AP5Z1: variants seen among roughly 807,000 people sequenced by gnomAD.
AP5Z1 encodes adaptor related protein complex 5 subunit zeta 1.
Under a neutral mutation model 83.0 loss-of-function variants are expected in AP5Z1, and 106 were observed. The ratio of observed to expected loss-of-function variants is 1.28; its 90% CI spans 1.09 to 1.50. The LOEUF (loss-of-function observed/expected upper bound fraction) is 1.50, where lower values mean the gene tolerates loss of function less well. Ranked by LOEUF, AP5Z1 falls within the 40% of genes most tolerant of loss-of-function variation. AP5Z1 has a pLI of 0.00. For synonymous variants in AP5Z1, 751 were observed against 514.1 expected, an observed-to-expected ratio of 1.46 and a Z score of -6.23; for missense variants, 1,565 against 1,094.2, an observed-to-expected ratio of 1.43 and a Z score of -6.07.
In AP5Z1 at chr7:4,790,505, C is replaced by G. The variant is rs752600743; in HGVS notation, c.1852C>G (p.Leu618Val). The G allele has an allele frequency of 1.9e-6, 3 of 1,613,044 alleles. No individual in the cohort carries two copies. The highest frequency in any genetic ancestry group is 2.5e-6 in the Non-Finnish European group (3 of 1,179,862). ...FLALCTLKPSLVVELARDLLE... is the reference protein window; with the variant it reads ...FLALCTLKPSVVVELARDLLE... ...GGCCCTGTGTACGCTGAAACCCTCC[C>G]TGGTGGTGGAGCTGGCAAGAGACCT... The change falls in exon 15 of 17, where the codon CTG becomes GTG. Residue 618 changes from leucine to valine, a missense_variant. By Grantham distance (32) the Leu-to-Val change is conservative. Coordinates refer to ENST00000649063, the MANE Select transcript of AP5Z1 (RefSeq NM_014855.3).
chr7:4,789,997 TC>T (rs1562413813), intron 14 of AP5Z1, 68 bp downstream of exon 14: 4 of 392,684 alleles, frequency 1.0e-5, no homozygotes, highest in African/African-American at 6.0e-5. Flanking sequence ...CCCTCTCCCC[TC>T]CCCCCTCCCC....
chr7:4,790,210 A>C, intron 14 of AP5Z1: 1 of 1,545,244 alleles, frequency 6.5e-7, no homozygotes. Context: ...CCTTCTCTCC[A>C]AAGGCCTGAT....
chr7:4,782,153 A>G (rs1227877706), intron 3 of AP5Z1, among the ~76,000 whole-genome samples: 2 of 152,096 alleles, frequency 1.3e-5, no homozygotes, highest in African/African-American at 4.8e-5. Flanking sequence ...CCCTGGCTCA[A>G]GCAATCCTCC....
intron 15 of AP5Z1, 38 bp downstream of exon 15, chr7:4,790,629 C>T (rs373921477): frequency 8.1e-5 from 131 of 1,612,160 alleles, no homozygotes; most frequent in Non-Finnish European, 1.0e-4. Flanking sequence ...CGCTCCTGAC[C>T]CAGGAGGCCT....
chr7:4,783,239 C>T, intron 3 of AP5Z1, 77 bp from the exon 4 acceptor site: 1 of 1,487,298 alleles, frequency 6.7e-7, no homozygotes. Context: ...TCAGGAGTGT[C>T]ACACAGACTT....
Position 4,791,554 on chromosome 7 carries a change from A to G in AP5Z1, c.*169A>G. On this transcript the variant is annotated 3_prime_UTR_variant, in exon 17 of 17. Coordinates refer to ENST00000649063, the MANE Select transcript of AP5Z1 (RefSeq NM_014855.3). ...ACACGCGGGGCTGGCCCCCCTGCTC[A>G]CCCTCTGGGCTTTGTCTCCGAGCCT... The G allele has an allele frequency of 2.0e-6, 2 of 1,009,814 alleles. No homozygotes were observed. Among genetic ancestry groups the G allele is most frequent in the Non-Finnish European group, 2.8e-6 (2 of 705,528 alleles). 62.6% of individuals were successfully genotyped at this position (1,009,814 alleles called of 1,614,324 possible).
At chr7:4,788,033 G>T in intron 11 of AP5Z1, 121 bp from the exon 12 acceptor site, 1 of 1,403,528 alleles carries the variant, frequency 7.1e-7, no homozygotes, top group South Asian at 1.5e-5. Context: ...CCCATGCCAA[G>T]CCCTTCCTGG....
intron 1 of AP5Z1, among the ~76,000 whole-genome samples, chr7:4,776,242 T>TGGGAGGGTTTTGTGACTTAAAAAG (rs1781222239): frequency 6.6e-6 from 1 of 152,094 alleles, no homozygotes; most frequent in African/African-American, 2.4e-5. Flanking sequence ...TGCGCGGATG[T>TGGGAGGGTTTTGTGACTTAAAAAG]ATTAGCTAGG....
Position 4,781,738 on chromosome 7 carries a change from C to T in AP5Z1, c.350C>T (p.Ser117Phe). ...AGCCGGCAGCTGAGCCTGGTGGCCT[C>T]CGTTCTCTTGGCCCAGGTAGCGCAG... ...QNSRQLSLVA[S>F]VLLAQGDRNE... is the part of the protein sequence containing the mutation. The change falls in exon 3 of 17, where the codon TCC becomes TTC. Residue 117 changes from serine (S) to phenylalanine (F), a missense_variant. Coordinates refer to ENST00000649063, the MANE Select transcript of AP5Z1 (RefSeq NM_014855.3). 6.4e-7 allele frequency: 1 copy of T among 1,572,182 alleles called. No individual in the cohort carries two copies. The highest frequency in any genetic ancestry group is 8.7e-7 in the Non-Finnish European group (1 of 1,149,786).
At position 4,790,662 on chromosome 7, in the gene AP5Z1, C is replaced by A. The variant is rs377395124; in HGVS notation, c.1939-11C>A. Reference sequence around the variant, plus strand: ...CCTGGGTGGGGGCTGAATCTCTGTCCCCGGGCCTAGGTGTGGGCCATCGGC... The same window carrying A: ...CCTGGGTGGGGGCTGAATCTCTGTCACCGGGCCTAGGTGTGGGCCATCGGC... On this transcript the variant is annotated splice_polypyrimidine_tract_variant and intron_variant, in intron 15 of 16. Transcript: ENST00000649063. 4.3e-6 allele frequency: 7 copies of A among 1,612,122 alleles called. No individual in the cohort carries two copies. The highest frequency in any genetic ancestry group is 5.9e-6 in the Non-Finnish European group (7 of 1,179,638).
intron 10 of AP5Z1, among the ~76,000 whole-genome samples, 152 bp downstream of exon 10, chr7:4,786,580 G>T (rs1266650097): frequency 1.3e-5 from 2 of 152,162 alleles, no homozygotes; most frequent in East Asian, 1.9e-4. Context: ...GTGAGGTGGG[G>T]ATCTGGGGTG....
chr7:4,781,483 TGCCCG>T, intron 2 of AP5Z1, 80 bp from the exon 3 acceptor site: 2 of 1,547,196 alleles, frequency 1.3e-6, no homozygotes. Context: ...GGCCCAAGGG[TGCCCG>T]GCCAGGTGCT....
intron 1 of AP5Z1, among the ~76,000 whole-genome samples, chr7:4,776,830 A>C (rs530716084): frequency 6.6e-6 from 1 of 152,158 alleles, no homozygotes; most frequent in Non-Finnish European, 1.5e-5. Context: ...CCGAAGCAGG[A>C]GAAGTGCATG....
At chr7:4,789,984 T>TCCCACCCCC in intron 14 of AP5Z1, 55 bp downstream of exon 14, 1 of 1,133,806 alleles carries the variant, frequency 8.8e-7, no homozygotes, top group Non-Finnish European at 1.2e-6. Context: ...CCTGGACTCC[T>TCCCACCCCC]CCCCCTCTCC....
intron 9 of AP5Z1, 140 bp downstream of exon 9, chr7:4,785,824 C>G: frequency 4.1e-6 from 5 of 1,224,198 alleles, no homozygotes; most frequent in Non-Finnish European, 5.3e-6. Context: ...CCAGGCTGGT[C>G]TGGAACTCGT....
intron 1 of AP5Z1, among the ~76,000 whole-genome samples, chr7:4,779,271 A>G (rs1781310359): frequency 1.4e-5 from 2 of 147,502 alleles, no homozygotes; most frequent in South Asian, 4.2e-4. Context: ...ATATAACATA[A>G]CATAACGTAT....
chr7:4,791,564 C>A lies in AP5Z1; in HGVS notation c.*179C>A. 1 of 934,328 alleles carries A rather than the reference C, an allele frequency of 1.1e-6. No individual in the cohort carries two copies. Among genetic ancestry groups the A allele is most frequent in the Non-Finnish European group, 1.6e-6 (1 of 639,734 alleles). 57.9% of individuals were successfully genotyped at this position (934,328 alleles called of 1,614,324 possible). On this transcript the variant is annotated 3_prime_UTR_variant, in exon 17 of 17. Coordinates refer to ENST00000649063, the MANE Select transcript of AP5Z1 (RefSeq NM_014855.3). ...CTGGCCCCCCTGCTCACCCTCTGGGCTTTGTCTCCGAGCCTTTTGCTCCCA... is the reference window on the plus strand; with the variant it reads ...CTGGCCCCCCTGCTCACCCTCTGGGATTTGTCTCCGAGCCTTTTGCTCCCA...
At position 4,792,711 on chromosome 7, in the gene AP5Z1, C is replaced by G. The variant is rs1290673332; in HGVS notation, c.*1326C>G. The G allele has an allele frequency of 2.0e-5, 3 of 152,256 alleles. No homozygotes were observed. The highest frequency in any genetic ancestry group is 2.1e-4 in the South Asian group (1 of 4,832). 9.4% of individuals were successfully genotyped at this position (152,256 alleles called of 1,614,324 possible). A position where few individuals can be genotyped will look rare whatever the true frequency, so the allele number is the denominator to read the frequency against. On this transcript the variant is annotated 3_prime_UTR_variant, in exon 17 of 17. Transcript: ENST00000649063. ...GCCGGGGCCGCAGGAAAGGCTGGCGCTGGCAGGCGCTTCCGTCGGCAGCAC... is the reference window on the plus strand; with the variant it reads ...GCCGGGGCCGCAGGAAAGGCTGGCGGTGGCAGGCGCTTCCGTCGGCAGCAC...
Position 4,784,940 on chromosome 7 carries a change from T to C in AP5Z1, c.823T>C (p.Ser275Pro). 1 of 1,611,972 alleles carries C rather than the reference T, an allele frequency of 6.2e-7. No individual in the cohort carries two copies. The highest frequency in any genetic ancestry group is 8.5e-7 in the Non-Finnish European group (1 of 1,179,442). ...GTCAGAGCAGGAGGGCTCCACTCTG[T>C]CGGTGATCTCCGCCACCTCCTCTGC... Reference protein sequence around the residue: ...DRSEQEGSTLSVISATSSAGR... With the variant: ...DRSEQEGSTLPVISATSSAGR... The change falls in exon 7 of 17, where the codon TCG becomes CCG. Residue 275 changes from serine to proline, a missense_variant. By Grantham distance (74) the Ser-to-Pro change is moderately conservative (BLOSUM62 -1). Transcript: ENST00000649063.
Sources: gnomAD v4.1 joint callset for allele counts (sites outside exome capture counted in the v4.1 genomes callset) on GRCh38, gnomAD v4.1.1 for gene constraint, MANE v1.5 for transcripts, NCBI Gene and HGNC (gene_info 2026-07-23, HGNC 2026-07-21) for gene names.